The following COLQ variants were observed in gnomAD, a reference collection of about 807,000 sequenced individuals.
COLQ encodes collagen like tail subunit of asymmetric acetylcholinesterase.
A neutral mutation model predicts 69.0 loss-of-function variants in COLQ; 48 were observed. That is an observed-to-expected ratio of 0.70 (90% CI 0.55 to 0.88). The LOEUF (loss-of-function observed/expected upper bound fraction) is 0.88, where lower values mean the gene tolerates loss of function less well. COLQ is among the 40% of genes least tolerant of loss of function. COLQ has a pLI of 0.00. For synonymous variants in COLQ, 217 were observed against 211.2 expected, an observed-to-expected ratio of 1.03 and a Z score of -0.24; for missense variants, 618 against 594.6, an observed-to-expected ratio of 1.04 and a Z score of -0.41.
rs1417648891 is a variant in COLQ, at chr3:15,453,857, A to T, written c.1270T>A (p.Tyr424Asn). ...GGGAGATAGGTCTCGCATGTCAGGT[A>T]GCCAAAGTCAGAGCCGTCACAGTCC... is the stretch of plus-strand genomic sequence containing the variant. ...VEDCDGSDFG[Y>N]LTCETYLPGS... Residue 424 changes from tyrosine to asparagine, a missense_variant, in exon 16 of 17, where the codon TAC becomes AAC. Tyr to Asn is a moderately radical substitution (Grantham distance 143, BLOSUM62 -2). Transcript: ENST00000383788. 4 of 1,611,988 alleles carry T rather than the reference A, an allele frequency of 2.5e-6. No homozygotes were observed. The African/African-American group carries it at 5.3e-5, about 22-fold the overall frequency.
intron 5 of COLQ, chr3:15,477,650 T>C: frequency 5.7e-6 from 1 of 176,024 alleles, no homozygotes; most frequent in Non-Finnish European, 1.2e-5. Context: ...AGCTCATTTC[T>C]GCTACCTGTA....
chr3:15,507,000 T>A (rs2062921039), intron 1 of COLQ: 1 of 152,238 alleles, frequency 6.6e-6, no homozygotes, highest in Non-Finnish European at 1.5e-5. Flanking sequence ...GAGGTCTTGC[T>A]ACGTTGCCTA....
intron 1 of COLQ, among the ~76,000 whole-genome samples, chr3:15,497,236 G>A (rs934433140): frequency 9.9e-5 from 15 of 152,022 alleles, no homozygotes; most frequent in African/African-American, 3.6e-4. Flanking sequence ...TAGAGATGGG[G>A]TTTTGTCATG....
intron 1 of COLQ, among the ~76,000 whole-genome samples, chr3:15,504,025 C>T (rs192002534): frequency 6.6e-6 from 1 of 152,092 alleles, no homozygotes; most frequent in East Asian, 1.9e-4. Flanking sequence ...CATGAGTAAA[C>T]AATCTCTGAT....
In COLQ at chr3:15,453,867, A is replaced by G. The variant is rs2061986204; in HGVS notation, c.1260T>C (p.Ser420=). The change falls in exon 16 of 17, where the codon TCT becomes TCC. Residue 420 remains serine (S), a synonymous_variant. Coordinates refer to ENST00000383788, the MANE Select transcript of COLQ (RefSeq NM_005677.4). The stretch of plus-strand genomic sequence containing the variant: ...TCTCGCATGTCAGGTAGCCAAAGTC[A>G]GAGCCGTCACAGTCCTCCACACCCT... The part of the protein sequence containing the change: ...RHEGVEDCDG[S]DFGYLTCETY... The G allele has an allele frequency of 6.2e-7, 1 of 1,612,346 alleles. No individual in the cohort carries two copies. The highest frequency in any genetic ancestry group is 1.3e-5 in the African/African-American group (1 of 74,878).
intron 11 of COLQ, chr3:15,468,039 C>A: frequency 2.2e-6 from 1 of 448,194 alleles, no homozygotes; most frequent in South Asian, 1.6e-5. Context: ...CAAAGGAAGT[C>A]ACACATCTTA....
intron 16 of COLQ, among the ~76,000 whole-genome samples, chr3:15,452,265 C>T (rs767240060): frequency 6.6e-6 from 1 of 152,066 alleles, no homozygotes; most frequent in Non-Finnish European, 1.5e-5. Flanking sequence ...TGGGATTTCA[C>T]CATGTTGGCC....
chr3:15,454,003 C>T, intron 15 of COLQ, 72 bp from the exon 16 acceptor site: 1 of 1,092,198 alleles, frequency 9.2e-7, no homozygotes, highest in African/African-American at 1.6e-5. Flanking sequence ...TTGTAAGGAC[C>T]ATGCGGCCCA....
intron 16 of COLQ, 66 bp downstream of exon 16, chr3:15,453,755 TGAAGGAAA>T (rs1347257760): frequency 1.0e-6 from 1 of 995,834 alleles, no homozygotes; most frequent in East Asian, 2.6e-5. Flanking sequence ...AAAATATTTG[TGAAGGAAA>T]GAAGGAAAGC....
chr3:15,487,463 C>T (rs1177118721), intron 3 of COLQ, among the ~76,000 whole-genome samples: 1 of 152,134 alleles, frequency 6.6e-6, no homozygotes, highest in Non-Finnish European at 1.5e-5. Context: ...TCCAGGTGAG[C>T]CTTCAAGTGT....
At chr3:15,462,698 C>T (rs1009557375) in intron 12 of COLQ, among the ~76,000 whole-genome samples, 2 of 152,192 alleles carry the variant, frequency 1.3e-5, no homozygotes, top group African/African-American at 4.8e-5. Context: ...TCTGCAGAAA[C>T]GTTACCAATG....
chr3:15,518,565 G>C (rs1328155048), intron 1 of COLQ, among the ~76,000 whole-genome samples: 2 of 152,158 alleles, frequency 1.3e-5, no homozygotes, highest in Non-Finnish European at 2.9e-5. Flanking sequence ...TCTCCTCTGG[G>C]ACCCAGCAGA....
chr3:15,476,804 C>A lies in COLQ; in HGVS notation c.465+322G>T, dbSNP rs1007695231. ...GCATGACAGGCAAGAGCTTCCCAGA[C>A]GCAAGCCCCTCTTAGGTCATCTCAG... On this transcript the variant is annotated intron_variant, in intron 6 of 16. Transcript: ENST00000383788. 3.3e-5 allele frequency among the ~76,000 whole-genome samples: 5 copies of A among 152,310 alleles called. No homozygotes were observed. The East Asian group carries it at 9.6e-4, about 29-fold the overall frequency.
In COLQ at chr3:15,451,639, G is replaced by GA. The variant is rs748930865; in HGVS notation, c.*4_*5insT. 2 of 1,613,944 alleles carry GA rather than the reference G, an allele frequency of 1.2e-6. No homozygotes were observed. Among genetic ancestry groups the GA allele is most frequent in the African/African-American group, 2.7e-5 (2 of 74,940 alleles). On this transcript the variant is annotated 3_prime_UTR_variant, in exon 17 of 17. Coordinates refer to ENST00000383788, the MANE Select transcript of COLQ (RefSeq NM_005677.4). ...GGGGCGCAGCCCACCTTCTCCTCAC[G>GA]GCCCTCAGGTGAAGTAGCGGCAGGG...
At chr3:15,463,191 G>A (rs1434659952) in intron 12 of COLQ, among the ~76,000 whole-genome samples, 1 of 152,078 alleles carries the variant, frequency 6.6e-6, no homozygotes, top group Admixed American at 6.6e-5. Context: ...GGTGAGGGCT[G>A]GCCTTTACAA....
chr3:15,453,107 G>C (rs1049534936), intron 16 of COLQ, among the ~76,000 whole-genome samples: 5 of 152,200 alleles, frequency 3.3e-5, no homozygotes, highest in South Asian at 2.1e-4. Flanking sequence ...GTAAGGACTG[G>C]GGAGACATGT....
chr3:15,502,650 G>C (rs2125165310), intron 1 of COLQ, among the ~76,000 whole-genome samples: 1 of 152,300 alleles, frequency 6.6e-6, no homozygotes, highest in African/African-American at 2.4e-5. Context: ...CTGGCCTCCT[G>C]TGATCTGCCC....
intron 16 of COLQ, 26 bp downstream of exon 16, chr3:15,453,803 G>C (rs1254729099): frequency 1.4e-6 from 2 of 1,418,540 alleles, no homozygotes. Flanking sequence ...AGAAGGGGGA[G>C]AGGGAGGGAG....
At chr3:15,488,339 C>A in intron 2 of COLQ, 32 bp from the exon 3 acceptor site, 2 of 1,583,260 alleles carry the variant, frequency 1.3e-6, no homozygotes, top group South Asian at 2.2e-5. Context: ...AGTTAGAGGT[C>A]AGGCGTAGGG....
Sources: allele counts gnomAD v4.1 joint callset (sites outside exome capture counted in the v4.1 genomes callset), GRCh38; gene constraint gnomAD v4.1.1; transcripts MANE v1.5; gene names NCBI Gene and HGNC (gene_info 2026-07-23, HGNC 2026-07-21).